The following STAU1 variants were observed in gnomAD, a reference collection of about 807,000 sequenced individuals.
STAU1 encodes the protein staufen double-stranded RNA binding protein 1.
In STAU1, 13 loss-of-function variants were observed where a neutral mutation model predicts 62.9. The ratio of observed to expected loss-of-function variants is 0.21; its 90% confidence interval spans 0.13 to 0.33. The LOEUF is 0.33. Ranked by LOEUF, STAU1 falls within the 10% of genes least tolerant of loss-of-function variation. The pLI is 1.00. For missense variants in STAU1, 571 were observed against 712.1 expected (o/e 0.80, Z 2.25); for synonymous variants, 269 against 265.1 (o/e 1.01, Z -0.14).
In STAU1 at chr20:49,118,389, C is replaced by T; in HGVS notation, c.1133G>A (p.Gly378Glu). 2 of 1,613,620 alleles carry T rather than the reference C, an allele frequency of 1.2e-6. No individual in the cohort carries two copies. Among genetic ancestry groups the T allele is most frequent in the Non-Finnish European group, 1.7e-6 (2 of 1,179,806 alleles). The stretch of plus-strand genomic sequence containing the variant: ...AAAAAAGGTTACTTTTCTTCCATCC[C>T]CTGGTTTCTTTATGGGTGTCTTAAA... ...SEEKTPIKKP[G>E]DGRKVTFFEP... is the part of the protein sequence containing the mutation. Residue 378 changes from glycine to glutamate, a missense_variant, in exon 10 of 14, where the codon GGG (glycine) becomes GAG (glutamate). This residue lies in a region of STAU1 where 414 missense variants were observed against 499.6 expected (regional missense o/e 0.83). Coordinates refer to ENST00000371856, the MANE Select transcript of STAU1 (RefSeq NM_017453.4).
chr20:49,141,767 T>C (rs1428502264), intron 5 of STAU1, among the ~76,000 whole-genome samples: 1 of 151,994 alleles, frequency 6.6e-6, no homozygotes, highest in African/African-American at 2.4e-5. Context: ...AGACTCTGTC[T>C]CAAAAAAAGA....
intron 2 of STAU1, among the ~76,000 whole-genome samples, chr20:49,168,563 G>A (rs2093556485): frequency 6.6e-6 from 1 of 151,254 alleles, no homozygotes; most frequent in Non-Finnish European, 1.5e-5. Flanking sequence ...CTCCAAATAA[G>A]ACTAGGTAAA....
At chr20:49,207,764 C>T in the STAU1 span, among the ~76,000 whole-genome samples, 1 of 152,130 alleles carries the variant, frequency 6.6e-6, no homozygotes, top group South Asian at 2.1e-4. Flanking sequence ...TCGTGATCCA[C>T]CCATCTCGGC....
intron 1 of STAU1, among the ~76,000 whole-genome samples, chr20:49,182,495 CA>C (rs2093737036): frequency 1.3e-5 from 2 of 152,090 alleles, no homozygotes; most frequent in African/African-American, 4.8e-5. Flanking sequence ...TGGATTTGGC[CA>C]ACATTATTCA....
chr20:49,123,436 A>G (rs2092516018), intron 7 of STAU1, among the ~76,000 whole-genome samples: 1 of 152,202 alleles, frequency 6.6e-6, no homozygotes, highest in South Asian at 2.1e-4. Context: ...TTAAGGTCTT[A>G]GCAAACCAAC....
intron 2 of STAU1, among the ~76,000 whole-genome samples, chr20:49,170,782 T>TA (rs1433244363): frequency 7.8e-6 from 1 of 128,482 alleles, no homozygotes; most frequent in Non-Finnish European, 1.7e-5. Context: ...AAGATGTGTC[T>TA]GGGAAAAAAA....
intron 6 of STAU1, among the ~76,000 whole-genome samples, chr20:49,130,989 G>A (rs1292335411): frequency 2.0e-5 from 3 of 151,904 alleles, no homozygotes; most frequent in Non-Finnish European, 2.9e-5. Context: ...TGAAGGCCCA[G>A]CCTTCAAACA....
intron 1 of STAU1, among the ~76,000 whole-genome samples, chr20:49,174,977 G>A (rs2093641615): frequency 6.7e-6 from 1 of 149,448 alleles, no homozygotes; most frequent in Non-Finnish European, 1.5e-5. Context: ...TGGCCAACAT[G>A]GGGAAACCCA....
At chr20:49,189,100 G>T (rs1302567623), upstream of STAU1, among the ~76,000 whole-genome samples, 2 of 149,802 alleles carry the variant, frequency 1.3e-5, no homozygotes, top group Non-Finnish European at 3.0e-5. Flanking sequence ...CTACTCGGGA[G>T]GCTGAGGCAG....
At chr20:49,163,322 C>T (rs1462324836) in intron 3 of STAU1, among the ~76,000 whole-genome samples, 1 of 151,736 alleles carries the variant, frequency 6.6e-6, no homozygotes, top group African/African-American at 2.4e-5. Context: ...TAGTCAGACC[C>T]TGTCTCCTAT....
At chr20:49,180,704 C>T (rs951329542) in intron 1 of STAU1, among the ~76,000 whole-genome samples, 2 of 152,204 alleles carry the variant, frequency 1.3e-5, no homozygotes, top group African/African-American at 4.8e-5. Context: ...AAGACAGCCC[C>T]TCCCCACACA....
chr20:49,202,172 A>G, the STAU1 span, among the ~76,000 whole-genome samples: 1 of 149,470 alleles, frequency 6.7e-6, no homozygotes, highest in Non-Finnish European at 1.5e-5. Flanking sequence ...GTGAGCCAAC[A>G]TCGTGCCACT....
chr20:49,175,112 C>T (rs1176081626), intron 1 of STAU1, among the ~76,000 whole-genome samples: 6 of 151,936 alleles, frequency 3.9e-5, no homozygotes, highest in South Asian at 4.1e-4. Flanking sequence ...CTCAGGATCG[C>T]GCCACTGCAC....
intron 4 of STAU1, among the ~76,000 whole-genome samples, chr20:49,153,127 G>T (rs887148727): frequency 4.6e-5 from 7 of 151,818 alleles, no homozygotes; most frequent in African/African-American, 1.7e-4. Context: ...GCAGGCGCCT[G>T]TAGTCCCAGC....
At chr20:49,133,921 G>A (rs1167732038) in intron 6 of STAU1, among the ~76,000 whole-genome samples, 1 of 152,208 alleles carries the variant, frequency 6.6e-6, no homozygotes, top group African/African-American at 2.4e-5. Flanking sequence ...CCAAAGGATG[G>A]AGCACTGAAG....
the STAU1 span, among the ~76,000 whole-genome samples, chr20:49,198,751 C>T: frequency 1.1e-4 from 17 of 152,138 alleles, no homozygotes; most frequent in South Asian, 1.7e-3. Flanking sequence ...ATCACGAGGT[C>T]AGGAGATCAA....
chr20:49,132,175 C>T (rs1253623778), intron 6 of STAU1, among the ~76,000 whole-genome samples: 1 of 152,024 alleles, frequency 6.6e-6, no homozygotes, highest in Admixed American at 6.6e-5. Flanking sequence ...TAGGTGCCGC[C>T]CACACCCAAG....
chr20:49,174,259 G>GTT lies in STAU1; in HGVS notation c.-151_-150dup, dbSNP rs1217621220. The GTT allele has an allele frequency of 6.6e-6, 1 of 152,210 alleles. No individual in the cohort carries two copies. Among genetic ancestry groups the GTT allele is most frequent in the African/African-American group, 2.4e-5 (1 of 41,450 alleles). The allele number at this position is 152,210 out of a possible 1,614,324, so 9.4% of individuals were successfully genotyped here. On this transcript the variant is annotated 5_prime_UTR_variant, in exon 2 of 14. Coordinates refer to ENST00000371856, the MANE Select transcript of STAU1 (RefSeq NM_017453.4). Reference sequence around the variant, plus strand: ...TTGTTCAGTTCTGAGAGGTTAAGTGGTTAATAAACTCTGGAAAATAAAAAA... The same window carrying GTT: ...TTGTTCAGTTCTGAGAGGTTAAGTGGTTTTAATAAACTCTGGAAAATAAAAAA...
intron 8 of STAU1, among the ~76,000 whole-genome samples, chr20:49,122,775 G>C (rs2092494198): frequency 6.6e-6 from 1 of 152,038 alleles, no homozygotes; most frequent in African/African-American, 2.4e-5. Flanking sequence ...AAATTAGCTG[G>C]GCATGGTGGC....
Sources: allele counts gnomAD v4.1 joint callset (sites outside exome capture counted in the v4.1 genomes callset), GRCh38; gene constraint gnomAD v4.1.1; regional missense constraint gnomAD v4.1.1; transcripts MANE v1.5; gene names NCBI Gene and HGNC (gene_info 2026-07-23, HGNC 2026-07-21).